VPS35: variants seen among roughly 807,000 people sequenced by gnomAD.
VPS35 encodes the protein vacuolar protein sorting-associated protein 35.
Under a neutral mutation model 98.1 loss-of-function variants are expected in VPS35, and 21 were observed. That is an observed-to-expected ratio of 0.21 (90% CI 0.15 to 0.31). The LOEUF (loss-of-function observed/expected upper bound fraction) is 0.31. VPS35 is among the 10% of genes least tolerant of loss of function. VPS35 has a pLI of 1.00. For synonymous variants in VPS35, 268 were observed against 318.2 expected, an observed-to-expected ratio of 0.84 and a Z score of 1.68; for missense variants, 554 against 950.8, an observed-to-expected ratio of 0.58 and a Z score of 5.49.
chr16:46,676,844 G>A, intron 7 of VPS35, 152 bp from the exon 8 acceptor site: 3 of 672,996 alleles, frequency 4.5e-6, no homozygotes, highest in Non-Finnish European at 8.1e-6. Context: ...CTAAACATAA[G>A]CTCAGACAGA....
At chr16:46,666,854 T>C (rs749278251) in intron 13 of VPS35, among the ~76,000 whole-genome samples, 5 of 152,212 alleles carry the variant, frequency 3.3e-5, no homozygotes, top group Non-Finnish European at 7.3e-5. Context: ...CAACACAATT[T>C]CTTTACTCAT....
At chr16:46,687,856 T>G (rs757188702) in intron 1 of VPS35, among the ~76,000 whole-genome samples, 22 of 152,126 alleles carry the variant, frequency 1.4e-4, no homozygotes, top group Non-Finnish European at 5.9e-5. Context: ...AAGTTTCCTT[T>G]CCCAATAAAA....
chr16:46,683,176 G>A (rs1213198338), intron 2 of VPS35: 7 of 369,580 alleles, frequency 1.9e-5, no homozygotes, highest in Non-Finnish European at 2.5e-5. Context: ...TCAGGTCTGA[G>A]GTATAGAACC....
At chr16:46,662,092 AG>A in intron 15 of VPS35, 150 bp downstream of exon 15, 1 of 1,422,924 alleles carries the variant, frequency 7.0e-7, no homozygotes, top group Non-Finnish European at 9.7e-7. Flanking sequence ...GCTTCACTAC[AG>A]GATGAGACTC....
At chr16:46,681,032 T>TACACACATAC (rs1555466319) in intron 4 of VPS35, among the ~76,000 whole-genome samples, 179 bp from the exon 5 acceptor site, 5 of 142,008 alleles carry the variant, frequency 3.5e-5, no homozygotes, top group African/African-American at 1.3e-4. Context: ...AAAAAAACTA[T>TACACACATAC]ACACACACAC....
rs1965924656 is a variant in VPS35, at chr16:46,662,270, G to A, written c.2040C>T (p.Gly680=). ...VSTCAHLFWS[G]RNTDKNGEEL... ...CCTCCCCATTTTTGTCCGTGTTTCT[G>A]CCAGACCAGAAGAGATGTGCACAGG... The change falls in exon 15 of 17, where the codon GGC becomes GGT. Residue 680 remains glycine (G), a synonymous_variant. Coordinates refer to ENST00000299138, the MANE Select transcript of VPS35 (RefSeq NM_018206.6). The A allele has an allele frequency of 1.9e-6, 3 of 1,614,048 alleles. No individual in the cohort carries two copies. Among genetic ancestry groups the A allele is most frequent in the Non-Finnish European group, 2.5e-6 (3 of 1,180,014 alleles).
chr16:46,684,964 T>C (rs747707011), intron 1 of VPS35, among the ~76,000 whole-genome samples: 3 of 152,184 alleles, frequency 2.0e-5, no homozygotes, highest in Non-Finnish European at 2.9e-5. Flanking sequence ...ATTCCTCTAA[T>C]ATGAAATATT....
chr16:46,670,428 C>T (rs1275940693), intron 12 of VPS35, among the ~76,000 whole-genome samples: 4 of 152,042 alleles, frequency 2.6e-5, no homozygotes, highest in Non-Finnish European at 4.4e-5. Flanking sequence ...GGATTACAGG[C>T]GCCCACCACC....
At chr16:46,666,427 C>T (rs1965990438) in intron 13 of VPS35, among the ~76,000 whole-genome samples, 1 of 152,084 alleles carries the variant, frequency 6.6e-6, no homozygotes, top group Non-Finnish European at 1.5e-5. Flanking sequence ...CGCCACCACG[C>T]CCAGCTAATT....
At chr16:46,689,079 C>G in intron 1 of VPS35, 52 bp downstream of exon 1, 1 of 1,596,230 alleles carries the variant, frequency 6.3e-7, no homozygotes. Context: ...TGGGAGAGAG[C>G]AGGGGCTACA....
chr16:46,679,275 T>C, intron 5 of VPS35, 119 bp from the exon 6 acceptor site: 1 of 956,658 alleles, frequency 1.0e-6, no homozygotes, highest in Admixed American at 2.3e-5. Context: ...AAAAAATCAC[T>C]TTCAACTTCA....
In VPS35 at chr16:46,659,114, CTG is replaced by C. The variant is rs1567466192; in HGVS notation, c.*1356_*1357del. The C allele has an allele frequency of 6.6e-6, 1 of 152,340 alleles. No homozygotes were observed. The highest frequency in any genetic ancestry group is 1.5e-5 in the Non-Finnish European group (1 of 68,156). 9.4% of individuals were successfully genotyped at this position (152,340 alleles called of 1,614,324 possible). ...ATGGAAGGGCCGTCAAGGAGAGGAA[CTG>C]GGGCCTCTGCCCTCAAGGAAAGGAA... On this transcript the variant is annotated 3_prime_UTR_variant, in exon 17 of 17. Coordinates refer to ENST00000299138, the MANE Select transcript of VPS35 (RefSeq NM_018206.6).
intron 1 of VPS35, chr16:46,688,756 T>A (rs944352654): frequency 8.1e-7 from 1 of 1,233,392 alleles, no homozygotes; most frequent in Non-Finnish European, 1.0e-6. Context: ...TCTCAGGGCC[T>A]CCACGCGCCC....
In VPS35 at chr16:46,661,586, T is replaced by TA; in HGVS notation, c.2211+131dup. On this transcript the variant is annotated intron_variant, in intron 16 of 16. Coordinates refer to ENST00000299138, the MANE Select transcript of VPS35 (RefSeq NM_018206.6). This position sits in a 1 kb window ranked among gnomAD's most constrained non-coding sequence, Gnocchi z 4.3. The stretch of plus-strand genomic sequence containing the variant: ...AAATTAGCCTATTATTTGACATCTG[T>TA]AAATTATTTTACATTTTTCAAATGA... 1.1e-6 allele frequency: 1 copy of TA among 886,098 alleles called. No individual in the cohort carries two copies. The highest frequency in any genetic ancestry group is 2.6e-5 in the East Asian group (1 of 38,412). The allele number at this position is 886,098 out of a possible 1,614,324, so 54.9% of individuals were successfully genotyped here.
chr16:46,685,694 C>A (rs896360456), intron 1 of VPS35, among the ~76,000 whole-genome samples: 5 of 152,162 alleles, frequency 3.3e-5, no homozygotes, highest in African/African-American at 4.8e-5. Flanking sequence ...ATGGGCTAGT[C>A]TTCTCTGAAC....
chr16:46,673,982 A>G (rs1487218169), intron 10 of VPS35: 1 of 283,496 alleles, frequency 3.5e-6, no homozygotes, highest in Non-Finnish European at 6.8e-6. Context: ...TGTTAGTGTT[A>G]GTGTATTTTA....
intron 8 of VPS35, among the ~76,000 whole-genome samples, chr16:46,676,065 CAAAAAAAAAA>C (rs369452932): frequency 6.1e-4 from 39 of 63,596 alleles, no homozygotes; most frequent in Non-Finnish European, 7.2e-4. Flanking sequence ...GGATCTGTCT[CAAAAAAAAAA>C]AAAAAAAAAA....
chr16:46,660,415 C>A lies in VPS35; in HGVS notation c.*57G>T, dbSNP rs548502981. ...CACAATCTATGGAAGGGAAACCTAGCGTAATAAAACCCTCACTGGATGTAC... is the reference window on the plus strand; with the variant it reads ...CACAATCTATGGAAGGGAAACCTAGAGTAATAAAACCCTCACTGGATGTAC... On this transcript the variant is annotated 3_prime_UTR_variant, in exon 17 of 17. Coordinates refer to ENST00000299138, the MANE Select transcript of VPS35 (RefSeq NM_018206.6). The A allele has an allele frequency of 5.6e-6, 9 of 1,598,832 alleles. No individual in the cohort carries two copies. The highest frequency in any genetic ancestry group is 6.8e-6 in the Non-Finnish European group (8 of 1,172,662).
Position 46,683,609 on chromosome 16 carries a change from G to A in VPS35, c.4-3C>T, listed in dbSNP as rs1254622564. 5 of 1,608,030 alleles carry A rather than the reference G, an allele frequency of 3.1e-6. No homozygotes were observed. Among genetic ancestry groups the A allele is most frequent in the Non-Finnish European group, 4.2e-6 (5 of 1,176,534 alleles). ...TGAGGGGACTGCTGTGTTGTAGGCTGAAAAATAAAAAATTCCACTGATGTC... is the reference window on the plus strand; with the variant it reads ...TGAGGGGACTGCTGTGTTGTAGGCTAAAAAATAAAAAATTCCACTGATGTC... On this transcript the variant is annotated splice_region_variant and splice_polypyrimidine_tract_variant and intron_variant, in intron 1 of 16. Coordinates refer to ENST00000299138, the MANE Select transcript of VPS35 (RefSeq NM_018206.6).
Sources: gnomAD v4.1 joint callset for allele counts (sites outside exome capture counted in the v4.1 genomes callset) on GRCh38, gnomAD v4.1.1 for gene constraint, Gnocchi (gnomAD v3.1) non-coding constraint, MANE v1.5 for transcripts, NCBI Gene and HGNC (gene_info 2026-07-23, HGNC 2026-07-21) for gene names.